Variants in EPHA7 observed in about 807,000 individuals in gnomAD.
EPHA7 encodes the protein EPH receptor A7, also known as ephrin type-A receptor 7.
A neutral mutation model predicts 112.6 loss-of-function variants in EPHA7; 25 were observed. That is an observed-to-expected ratio of 0.22 (90% CI 0.16 to 0.31). The LOEUF is 0.31. EPHA7 is among the 10% of genes least tolerant of loss of function. EPHA7 has a pLI of 1.00. For synonymous variants in EPHA7, 437 were observed against 406.5 expected (o/e 1.07, Z -0.90); for missense variants, 962 against 1,212.6 (o/e 0.79, Z 3.07).
chr6:93,404,208 T>C (rs772169524), intron 3 of EPHA7, among the ~76,000 whole-genome samples: 3 of 152,022 alleles, frequency 2.0e-5, no homozygotes, highest in African/African-American at 7.2e-5. Context: ...TACAATCTGA[T>C]GGCCATCTAA....
At chr6:93,244,168 C>A (rs566608899) in intron 16 of EPHA7, among the ~76,000 whole-genome samples, 1 of 152,080 alleles carries the variant, frequency 6.6e-6, no homozygotes, top group South Asian at 2.1e-4. Context: ...TCTTAATAGC[C>A]AGATACAATG....
intron 5 of EPHA7, among the ~76,000 whole-genome samples, chr6:93,286,814 A>C (rs1304195560): frequency 6.6e-6 from 1 of 152,140 alleles, no homozygotes; most frequent in Non-Finnish European, 1.5e-5. Context: ...CCAGGACCAG[A>C]CAGCTGTGGA....
chr6:93,350,019 C>T (rs1775611596), intron 5 of EPHA7, among the ~76,000 whole-genome samples: 1 of 151,738 alleles, frequency 6.6e-6, no homozygotes, highest in South Asian at 2.1e-4. Flanking sequence ...ATAAACATTA[C>T]AAATCAAAGT....
intron 5 of EPHA7, among the ~76,000 whole-genome samples, chr6:93,312,719 A>G (rs1453889763): frequency 6.6e-6 from 1 of 152,172 alleles, no homozygotes; most frequent in South Asian, 2.1e-4. Context: ...CTTTCGGCCT[A>G]TCTCAGCTTT....
At chr6:93,270,363 A>G (rs1398416862) in intron 6 of EPHA7, among the ~76,000 whole-genome samples, 2 of 151,534 alleles carry the variant, frequency 1.3e-5, no homozygotes, top group Non-Finnish European at 3.0e-5. Flanking sequence ...AACAATTTTT[A>G]TCCTATCATT....
intron 5 of EPHA7, among the ~76,000 whole-genome samples, chr6:93,332,631 A>G (rs1403569091): frequency 6.6e-6 from 1 of 151,758 alleles, no homozygotes; most frequent in African/African-American, 2.4e-5. Flanking sequence ...TTGGATTAAT[A>G]CATCTCAAAT....
At chr6:93,387,752 C>T (rs1327562232) in intron 3 of EPHA7, among the ~76,000 whole-genome samples, 2 of 151,956 alleles carry the variant, frequency 1.3e-5, no homozygotes, top group African/African-American at 4.8e-5. Flanking sequence ...GGGGAAAACA[C>T]CTTATAAAAC....
rs535528192 is a variant in EPHA7, at chr6:93,272,328, G to A, written c.1419C>T (p.Ile473=). The A allele has an allele frequency of 3.6e-4, 588 of 1,612,070 alleles. 7 individuals carry two copies. The South Asian group carries it at 6.2e-3, about 17-fold the overall frequency. Residue 473 remains isoleucine (I), a synonymous_variant, in exon 6 of 17, where the codon ATC becomes ATT. Coordinates refer to ENST00000369303, the MANE Select transcript of EPHA7 (RefSeq NM_004440.4). ...WQEPEHPNGV[I]TEYEIKYYEK... is the part of the protein sequence containing the mutation. ...CGTAATACTTGATTTCATATTCTGT[G>A]ATGACTCCATTGGGATGCTCTGGTT... is the stretch of plus-strand genomic sequence containing the variant.
At chr6:93,336,594 G>A (rs1214450783) in intron 5 of EPHA7, among the ~76,000 whole-genome samples, 2 of 151,924 alleles carry the variant, frequency 1.3e-5, no homozygotes, top group Non-Finnish European at 1.5e-5. Flanking sequence ...GTAGAGACGG[G>A]GTTTCACTGT....
intron 1 of EPHA7, among the ~76,000 whole-genome samples, chr6:93,418,761 T>A (rs1057085392): frequency 6.6e-6 from 1 of 152,164 alleles, no homozygotes; most frequent in Non-Finnish European, 1.5e-5. Context: ...TCTCGGTCCC[T>A]CTGGGAAGGC....
At chr6:93,413,382 G>A (rs1382604688) in intron 2 of EPHA7, among the ~76,000 whole-genome samples, 3 of 151,846 alleles carry the variant, frequency 2.0e-5, no homozygotes, top group Admixed American at 6.6e-5. Flanking sequence ...TTACATGGAT[G>A]AAATACTACA....
At chr6:93,330,343 A>G (rs1411446155) in intron 5 of EPHA7, among the ~76,000 whole-genome samples, 1 of 151,260 alleles carries the variant, frequency 6.6e-6, no homozygotes, top group Admixed American at 6.6e-5. Context: ...TATAAAATAA[A>G]TTATTGTTAA....
chr6:93,354,811 A>G (rs1775863888), intron 5 of EPHA7, among the ~76,000 whole-genome samples: 1 of 152,094 alleles, frequency 6.6e-6, no homozygotes. Flanking sequence ...TAGACATTTT[A>G]GGAACATGAA....
chr6:93,379,784 A>T (rs1777244588), intron 3 of EPHA7, among the ~76,000 whole-genome samples: 1 of 152,016 alleles, frequency 6.6e-6, no homozygotes, highest in Non-Finnish European at 1.5e-5. Context: ...CATTCTAAAT[A>T]TAATAACTAA....
chr6:93,332,207 C>T (rs1274643754), intron 5 of EPHA7, among the ~76,000 whole-genome samples: 1 of 151,520 alleles, frequency 6.6e-6, no homozygotes, highest in Non-Finnish European at 1.5e-5. Context: ...TACAGTGGAG[C>T]TCAGTGGACC....
At chr6:93,280,334 T>A (rs773940974) in intron 5 of EPHA7, among the ~76,000 whole-genome samples, 1 of 152,192 alleles carries the variant, frequency 6.6e-6, no homozygotes, top group Non-Finnish European at 1.5e-5. Flanking sequence ...TGGCATCATA[T>A]CTATAATCTG....
Position 93,255,974 on chromosome 6 carries a change from T to A in EPHA7, c.2236A>T (p.Met746Leu). ...VGMLRGIAAG[M>L]RYLADMGYVH... Reference sequence around the variant, plus strand: ...TATCCCATATCAGCCAAATATCTCATTCCAGCAGCAATTCCTCTCAGCATT... The same window carrying A: ...TATCCCATATCAGCCAAATATCTCAATCCAGCAGCAATTCCTCTCAGCATT... Residue 746 changes from methionine to leucine, a missense_variant, in exon 13 of 17, where the codon ATG (methionine) becomes TTG (leucine). By Grantham distance (15) the Met-to-Leu change is conservative. Transcript: ENST00000369303. 6.2e-7 allele frequency: 1 copy of A among 1,614,066 alleles called. No homozygotes were observed. The highest frequency in any genetic ancestry group is 8.5e-7 in the Non-Finnish European group (1 of 1,179,996).
At chr6:93,278,882 T>C (rs2127893345) in intron 5 of EPHA7, among the ~76,000 whole-genome samples, 1 of 152,126 alleles carries the variant, frequency 6.6e-6, no homozygotes, top group South Asian at 2.1e-4. Flanking sequence ...GAGCAGAAAC[T>C]AGCAAGAGGA....
intron 1 of EPHA7, among the ~76,000 whole-genome samples, chr6:93,415,311 T>C (rs1396366302): frequency 1.3e-5 from 2 of 152,018 alleles, no homozygotes; most frequent in Non-Finnish European, 2.9e-5. Context: ...AGCAATGTTA[T>C]CAGAAAACCA....
Sources: gnomAD v4.1 joint callset for allele counts (sites outside exome capture counted in the v4.1 genomes callset) on GRCh38, gnomAD v4.1.1 for gene constraint, MANE v1.5 for transcripts, NCBI Gene and HGNC (gene_info 2026-07-23, HGNC 2026-07-21) for gene names.